The following COMMD1 variants were observed in gnomAD, a reference collection of about 807,000 sequenced individuals.
COMMD1 encodes the protein COMM domain-containing protein 1.
Under a neutral mutation model 17.2 loss-of-function variants are expected in COMMD1, and 10 were observed. The observed-to-expected ratio is 0.58, with a 90% CI of 0.36 to 0.99. The LOEUF (loss-of-function observed/expected upper bound fraction) is 0.99. Among genes scored for constraint, COMMD1 ranks in the 50% least tolerant of loss-of-function variants. The pLI is 0.01. For missense variants in COMMD1, 270 were observed against 231.8 expected (o/e 1.17, Z -1.07); for synonymous variants, 97 against 91.6 (o/e 1.06, Z -0.34).
intron 1 of COMMD1, among the ~76,000 whole-genome samples, chr2:61,945,963 A>G (rs940181819): frequency 6.6e-6 from 1 of 152,202 alleles, no homozygotes; most frequent in African/African-American, 2.4e-5. Flanking sequence ...TAAAGTCTGC[A>G]TTAATGTTGA....
intron 2 of COMMD1, chr2:62,100,093 C>T (rs2104017898): frequency 6.6e-6 from 1 of 151,698 alleles, no homozygotes; most frequent in Middle Eastern, 3.4e-3. Flanking sequence ...AACCAACTTC[C>T]TAGGAGAAAA....
chr2:61,975,541 T>G (rs2103736798), intron 1 of COMMD1, among the ~76,000 whole-genome samples: 1 of 152,342 alleles, frequency 6.6e-6, no homozygotes, highest in South Asian at 2.1e-4. Flanking sequence ...TGGTGTTGCT[T>G]TTTCTGCATC....
rs187926270 is a variant in COMMD1, at chr2:61,890,370, C to G, written n.119+1528C>G. Among the ~76,000 whole-genome samples, 218 of 152,256 alleles carry G rather than the reference C, an allele frequency of 1.4e-3. 1 individual carries two copies. Among genetic ancestry groups the G allele is most frequent in the Non-Finnish European group, 1.4e-3 (95 of 68,014 alleles). On this transcript the variant is annotated intron_variant and non_coding_transcript_variant, in intron 1 of 2. Coordinates refer to the COMMD1 transcript ENST00000472729. ...CAGTAGCTGGGATTACGGGCATGCA[C>G]CACCATGCCCGGCTAATTTTGTATT...
At chr2:61,990,558 G>A (rs954485594) in intron 1 of COMMD1, among the ~76,000 whole-genome samples, 11 of 152,084 alleles carry the variant, frequency 7.2e-5, no homozygotes, top group Non-Finnish European at 4.4e-5. Flanking sequence ...AGACATAGCC[G>A]AGACTGGGCA....
At chr2:62,010,652 G>A (rs901011610) in intron 2 of COMMD1, among the ~76,000 whole-genome samples, 3 of 151,992 alleles carry the variant, frequency 2.0e-5, no homozygotes, top group East Asian at 1.9e-4. Flanking sequence ...TCAGTTAGTG[G>A]CACCTCCATT....
chr2:62,020,167 T>C (rs1669573731), intron 2 of COMMD1, among the ~76,000 whole-genome samples: 1 of 152,232 alleles, frequency 6.6e-6, no homozygotes, highest in South Asian at 2.1e-4. Context: ...GGCAAATTGT[T>C]TGCCCCACAC....
At chr2:62,034,358 G>C (rs1669988036) in intron 2 of COMMD1, among the ~76,000 whole-genome samples, 1 of 152,036 alleles carries the variant, frequency 6.6e-6, no homozygotes, top group Non-Finnish European at 1.5e-5. Flanking sequence ...AAATTAGCCA[G>C]GCGTGGTGGC....
At chr2:61,979,426 G>A (rs1250825279) in intron 1 of COMMD1, among the ~76,000 whole-genome samples, 3 of 152,040 alleles carry the variant, frequency 2.0e-5, no homozygotes, top group East Asian at 1.9e-4. Flanking sequence ...GCAGTGAGCC[G>A]AGATCACGCC....
intron 2 of COMMD1, among the ~76,000 whole-genome samples, chr2:62,059,903 C>T (rs781129124): frequency 2.5e-4 from 38 of 152,018 alleles, no homozygotes; most frequent in Non-Finnish European, 3.8e-4. Flanking sequence ...TGTTTTTATT[C>T]CTGTTTATCC....
chr2:62,094,642 A>G (rs999055257), intron 2 of COMMD1, among the ~76,000 whole-genome samples: 1 of 152,186 alleles, frequency 6.6e-6, no homozygotes, highest in African/African-American at 2.4e-5. Flanking sequence ...ATTGTGCACT[A>G]TTACCTTAGG....
intron 2 of COMMD1, among the ~76,000 whole-genome samples, chr2:62,094,441 A>G (rs1384714678): frequency 6.6e-6 from 1 of 152,180 alleles, no homozygotes; most frequent in African/African-American, 2.4e-5. Flanking sequence ...CTAACCGTTG[A>G]CTGAAATAAC....
chr2:62,092,526 A>C (rs1671862981), intron 2 of COMMD1, among the ~76,000 whole-genome samples: 1 of 152,196 alleles, frequency 6.6e-6, no homozygotes, highest in African/African-American at 2.4e-5. Flanking sequence ...GACTCCCTTT[A>C]ACTTTGCAGT....
intron 2 of COMMD1, among the ~76,000 whole-genome samples, chr2:62,041,312 T>A (rs1670189046): frequency 6.6e-6 from 1 of 152,156 alleles, no homozygotes; most frequent in East Asian, 1.9e-4. Context: ...TACTTGTGGT[T>A]TTTTTTTCGC....
intron 2 of COMMD1, among the ~76,000 whole-genome samples, chr2:62,097,626 AC>A (rs1412311862): frequency 6.6e-6 from 1 of 152,192 alleles, no homozygotes; most frequent in Non-Finnish European, 1.5e-5. Context: ...GTATGGGGGT[AC>A]TATCTACTAT....
intron 1 of COMMD1, among the ~76,000 whole-genome samples, chr2:61,895,307 G>T (rs111797366): frequency 6.6e-6 from 1 of 152,218 alleles, no homozygotes; most frequent in African/African-American, 2.4e-5. Flanking sequence ...GTAGGAGACT[G>T]TGAAACACTT....
At chr2:61,952,347 C>T (rs1217401940) in intron 1 of COMMD1, among the ~76,000 whole-genome samples, 2 of 152,110 alleles carry the variant, frequency 1.3e-5, no homozygotes, top group African/African-American at 2.4e-5. Flanking sequence ...CTTTCCTGCT[C>T]AGGAGTCCTG....
At chr2:61,914,045 G>T (rs1558519592) in intron 1 of COMMD1, among the ~76,000 whole-genome samples, 1 of 150,620 alleles carries the variant, frequency 6.6e-6, no homozygotes, top group African/African-American at 2.4e-5. Flanking sequence ...GGTGGTGGGA[G>T]CCTGTAGTCC....
At chr2:61,896,073 G>T (rs1299378851) in intron 1 of COMMD1, among the ~76,000 whole-genome samples, 9 of 152,158 alleles carry the variant, frequency 5.9e-5, no homozygotes, top group African/African-American at 4.8e-5. Flanking sequence ...ACTGGAAGAG[G>T]TGTTTGTTGC....
rs1210299427 is a variant in COMMD1, at chr2:62,095,344, C to T, written c.463-40487C>T. On this transcript the variant is annotated intron_variant, in intron 2 of 2. Transcript: ENST00000311832. Reference sequence around the variant, plus strand: ...ACAAACCTCCCATCTGTTGTTTTAACCTAAAAATTCTATTGGCTAACTTAT... The same window carrying T: ...ACAAACCTCCCATCTGTTGTTTTAATCTAAAAATTCTATTGGCTAACTTAT... Among the ~76,000 whole-genome samples, 4 of 152,130 alleles carry T rather than the reference C, an allele frequency of 2.6e-5. No individual in the cohort carries two copies. In the South Asian group the frequency reaches 6.2e-4, roughly 24 times the overall value.
Sources: gnomAD v4.1 joint callset for allele counts (sites outside exome capture counted in the v4.1 genomes callset) on GRCh38, gnomAD v4.1.1 for gene constraint, MANE v1.5 for transcripts, NCBI Gene and HGNC (gene_info 2026-07-23, HGNC 2026-07-21) for gene names.